SGCD: variants seen among roughly 807,000 people sequenced by gnomAD.
SGCD encodes the protein delta-sarcoglycan.
Under a neutral mutation model 36.6 loss-of-function variants are expected in SGCD, and 18 were observed. That is an observed-to-expected ratio of 0.49 (90% CI 0.34 to 0.73). The LOEUF is 0.73. SGCD is among the 30% of genes least tolerant of loss of function. SGCD has a pLI of 0.01. For synonymous variants in SGCD, 133 were observed against 130.6 expected, an observed-to-expected ratio of 1.02 and a Z score of -0.12; for missense variants, 387 against 346.7, an observed-to-expected ratio of 1.12 and a Z score of -0.92.
chr5:156,639,187 CACAT>C (rs1762939548), intron 6 of SGCD, among the ~76,000 whole-genome samples: 1 of 151,902 alleles, frequency 6.6e-6, no homozygotes, highest in Non-Finnish European at 1.5e-5. Flanking sequence ...TGTATATACA[CACAT>C]ATATAGTCAC....
chr5:155,900,383 C>A (rs1202390508), intron 1 of SGCD, among the ~76,000 whole-genome samples: 1 of 151,808 alleles, frequency 6.6e-6, no homozygotes, highest in Non-Finnish European at 1.5e-5. Flanking sequence ...TGGCTTCCCC[C>A]AACCCTACAC....
At chr5:156,218,666 A>G (rs1310537783) in intron 3 of SGCD, among the ~76,000 whole-genome samples, 1 of 151,980 alleles carries the variant, frequency 6.6e-6, no homozygotes, top group Non-Finnish European at 1.5e-5. Flanking sequence ...TTCTTACTCT[A>G]TTTCCTGGTC....
chr5:156,198,068 C>T (rs769694769), intron 3 of SGCD, among the ~76,000 whole-genome samples: 3 of 152,006 alleles, frequency 2.0e-5, no homozygotes, highest in Non-Finnish European at 4.4e-5. Flanking sequence ...AAATATAGTG[C>T]GAACTTTAAA....
chr5:156,514,810 C>T (rs1479657786), intron 4 of SGCD, among the ~76,000 whole-genome samples: 2 of 152,130 alleles, frequency 1.3e-5, no homozygotes, highest in African/African-American at 4.8e-5. Flanking sequence ...TGCTTGTTTT[C>T]TTACCTGCAC....
chr5:156,640,712 T>G (rs1244210097), intron 6 of SGCD, among the ~76,000 whole-genome samples: 1 of 152,230 alleles, frequency 6.6e-6, no homozygotes, highest in African/African-American at 2.4e-5. Flanking sequence ...TGACGTAGGC[T>G]CTACATAAAT....
intron 1 of SGCD, among the ~76,000 whole-genome samples, chr5:156,101,929 T>TGTGTG (rs1761527545): frequency 6.7e-6 from 1 of 150,072 alleles, no homozygotes; most frequent in Non-Finnish European, 1.5e-5. Flanking sequence ...TGTGTGTGTG[T>TGTGTG]GTGTGTGTGT....
At chr5:156,290,494 C>T (rs964004270) in intron 3 of SGCD, among the ~76,000 whole-genome samples, 4 of 151,042 alleles carry the variant, frequency 2.6e-5, no homozygotes, top group Admixed American at 1.3e-4. Flanking sequence ...TTACTGTCTC[C>T]GAGTCCTAGT....
chr5:156,474,384 C>G (rs1225456698), intron 3 of SGCD, among the ~76,000 whole-genome samples: 3 of 152,196 alleles, frequency 2.0e-5, no homozygotes, highest in African/African-American at 4.8e-5. Flanking sequence ...TTATGCGTAC[C>G]CTTCCTGGCC....
At chr5:156,322,578 G>T (rs985875359), upstream of SGCD, among the ~76,000 whole-genome samples, 1 of 152,160 alleles carries the variant, frequency 6.6e-6, no homozygotes, top group African/African-American at 2.4e-5. Context: ...GGGTCTCAGG[G>T]TTCAGGGAGA....
chr5:156,488,105 T>A (rs866119917), intron 3 of SGCD, among the ~76,000 whole-genome samples: 4,462 of 137,666 alleles, frequency 0.032, 306 homozygotes, highest in African/African-American at 0.12. Context: ...CAGGTTTTTT[T>A]TTTTTTTTTT....
the SGCD span, among the ~76,000 whole-genome samples, chr5:155,770,469 C>G: frequency 6.6e-6 from 1 of 152,068 alleles, no homozygotes; most frequent in African/African-American, 2.4e-5. Context: ...TATAAAGGAT[C>G]TGAAAGAGGA....
intron 6 of SGCD, among the ~76,000 whole-genome samples, chr5:156,600,513 G>A (rs1399870837): frequency 6.6e-6 from 1 of 152,118 alleles, no homozygotes; most frequent in Non-Finnish European, 1.5e-5. Flanking sequence ...TTTTATGGCT[G>A]AACAGTATTC....
the SGCD span, among the ~76,000 whole-genome samples, chr5:155,820,517 A>C: frequency 1.2e-4 from 18 of 152,120 alleles, 1 homozygote; most frequent in East Asian, 3.5e-3. Context: ...AAAATAAATA[A>C]ATGAATAAAC....
the SGCD span, among the ~76,000 whole-genome samples, chr5:155,755,854 G>A: frequency 2.2e-4 from 33 of 152,206 alleles, no homozygotes; most frequent in Non-Finnish European, 1.5e-5. Context: ...TAGATAGGTA[G>A]TGGGCATGCA....
the SGCD span, among the ~76,000 whole-genome samples, chr5:155,765,079 G>T: frequency 6.6e-6 from 1 of 151,964 alleles, no homozygotes; most frequent in Admixed American, 6.6e-5. Context: ...AGTAGCTCAA[G>T]ACCAGCCTGG....
chr5:156,392,765 C>T (rs1309427548), intron 3 of SGCD, among the ~76,000 whole-genome samples: 1 of 152,090 alleles, frequency 6.6e-6, no homozygotes, highest in Non-Finnish European at 1.5e-5. Flanking sequence ...GAGTCGGGCC[C>T]CTTGGTGGCC....
At chr5:156,371,576 A>T (rs1367808110) in intron 3 of SGCD, among the ~76,000 whole-genome samples, 53 of 152,202 alleles carry the variant, frequency 3.5e-4, no homozygotes, top group Admixed American at 3.5e-3. Context: ...GAATTGTTCC[A>T]TCAGAGAGGT....
intron 3 of SGCD, among the ~76,000 whole-genome samples, chr5:156,310,465 G>A (rs987870982): frequency 5.9e-5 from 9 of 152,142 alleles, no homozygotes; most frequent in Admixed American, 2.0e-4. Flanking sequence ...TGAACATCCC[G>A]CCAGTGTGCT....
intron 1 of SGCD, among the ~76,000 whole-genome samples, chr5:156,103,510 T>G (rs901444387): frequency 3.9e-5 from 6 of 152,136 alleles, no homozygotes; most frequent in Non-Finnish European, 5.9e-5. Flanking sequence ...ATAAGGGATA[T>G]AAAAATGTAC....
Sources: gnomAD v4.1 joint callset for allele counts (sites outside exome capture counted in the v4.1 genomes callset) on GRCh38, gnomAD v4.1.1 for gene constraint, MANE v1.5 for transcripts, NCBI Gene and HGNC (gene_info 2026-07-23, HGNC 2026-07-21) for gene names.